Variants in RASSF3 observed in about 807,000 individuals in gnomAD.
RASSF3 encodes the protein Ras association domain family member 3, also known as ras association domain-containing protein 3.
Under a neutral mutation model 19.9 loss-of-function variants are expected in RASSF3, and 19 were observed. The observed-to-expected ratio is 0.96, with a 90% CI of 0.67 to 1.40. The LOEUF (loss-of-function observed/expected upper bound fraction) is 1.40, where lower values mean the gene tolerates loss of function less well. Ranked by LOEUF, RASSF3 falls within the 40% of genes most tolerant of loss-of-function variation. RASSF3 has a pLI of 0.00. For missense variants in RASSF3, 306 were observed against 289.8 expected, an observed-to-expected ratio of 1.06 and a Z score of -0.41; for synonymous variants, 110 against 104.2, an observed-to-expected ratio of 1.06 and a Z score of -0.34.
intron 1 of RASSF3, among the ~76,000 whole-genome samples, chr12:64,642,240 G>C (rs1045813403): frequency 1.3e-5 from 2 of 151,882 alleles, no homozygotes; most frequent in South Asian, 2.1e-4. Context: ...AAAAGTCAAG[G>C]ATATATGAAA....
At chr12:64,675,055 C>T (rs1008160) in intron 1 of RASSF3, among the ~76,000 whole-genome samples, 13,258 of 116,244 alleles carry the variant, frequency 0.11, 1,300 homozygotes, top group East Asian at 0.28. Flanking sequence ...GCCCCCCCCC[C>T]CCCCGCCACC....
chr12:64,630,949 TG>T (rs1871149836), intron 1 of RASSF3, among the ~76,000 whole-genome samples: 1 of 152,220 alleles, frequency 6.6e-6, no homozygotes, highest in Non-Finnish European at 1.5e-5. Flanking sequence ...TGAGTAAATC[TG>T]GGCATGTGTG....
intron 1 of RASSF3, among the ~76,000 whole-genome samples, chr12:64,508,194 G>A (rs1168043557): frequency 2.0e-5 from 3 of 152,110 alleles, no homozygotes; most frequent in Non-Finnish European, 4.4e-5. Flanking sequence ...TGATGTGCTA[G>A]ATTATCCAGT....
At chr12:64,533,083 A>C (rs1267583972), upstream of RASSF3, among the ~76,000 whole-genome samples, 1 of 152,188 alleles carries the variant, frequency 6.6e-6, no homozygotes, top group East Asian at 1.9e-4. Context: ...GGTCCCTGTG[A>C]GCAGAGCTGC....
chr12:64,535,564 C>A (rs2136112038), intron 1 of RASSF3, among the ~76,000 whole-genome samples: 1 of 152,246 alleles, frequency 6.6e-6, no homozygotes. Flanking sequence ...CAGGGTCCCT[C>A]CATGTTGCCC....
chr12:64,572,837 A>T (rs1869541507), intron 2 of RASSF3, among the ~76,000 whole-genome samples: 1 of 152,150 alleles, frequency 6.6e-6, no homozygotes, highest in African/African-American at 2.4e-5. Context: ...TCAATTCCAA[A>T]CCATTAATTG....
In RASSF3 at chr12:64,610,519, T is replaced by G. The variant is rs1870305941; in HGVS notation, c.-114T>G. ...TGATTGAGCGGCGGCCGCAGCTGCA[T>G]AAGGACTGCCCGGGGCTGCGCGCCG... On this transcript the variant is annotated 5_prime_UTR_variant, in exon 1 of 5. Coordinates refer to ENST00000542104, the MANE Select transcript of RASSF3 (RefSeq NM_178169.4). 3 of 367,828 alleles carry G rather than the reference T, an allele frequency of 8.2e-6. No homozygotes were observed. The highest frequency in any genetic ancestry group is 1.4e-5 in the Non-Finnish European group (3 of 218,596). The allele number at this position is 367,828 out of a possible 1,614,324, so 22.8% of individuals were successfully genotyped here. A position where few individuals can be genotyped will look rare whatever the true frequency, so the allele number is the denominator to read the frequency against.
intron 1 of RASSF3, among the ~76,000 whole-genome samples, chr12:64,611,092 C>T (rs749195082): frequency 3.9e-5 from 6 of 152,212 alleles, no homozygotes; most frequent in Non-Finnish European, 5.9e-5. Context: ...CTTCGCGTCC[C>T]CGCTGGGTCG....
intron 1 of RASSF3, among the ~76,000 whole-genome samples, chr12:64,641,262 G>A (rs941085629): frequency 1.3e-5 from 2 of 151,696 alleles, no homozygotes; most frequent in Non-Finnish European, 2.9e-5. Context: ...TGGGCGTGGT[G>A]GTGTGTGCCT....
At chr12:64,652,336 C>T (rs1871987458) in intron 1 of RASSF3, among the ~76,000 whole-genome samples, 1 of 152,114 alleles carries the variant, frequency 6.6e-6, no homozygotes, top group Non-Finnish European at 1.5e-5. Context: ...GTGCTTTCTT[C>T]ATGGCCATCG....
At chr12:64,661,245 G>T (rs938286691) in intron 1 of RASSF3, among the ~76,000 whole-genome samples, 3 of 152,176 alleles carry the variant, frequency 2.0e-5, no homozygotes, top group Non-Finnish European at 4.4e-5. Flanking sequence ...GGTGGCTGAT[G>T]CCTGTAATCC....
chr12:64,596,414 T>C (rs1008838980), intron 2 of RASSF3, among the ~76,000 whole-genome samples: 3 of 152,164 alleles, frequency 2.0e-5, no homozygotes, highest in Non-Finnish European at 2.9e-5. Context: ...ATTGCAAAAT[T>C]TGTGAAGAAA....
intron 1 of RASSF3, among the ~76,000 whole-genome samples, chr12:64,611,092 C>G (rs749195082): frequency 6.6e-6 from 1 of 152,212 alleles, no homozygotes; most frequent in Non-Finnish European, 1.5e-5. Context: ...CTTCGCGTCC[C>G]CGCTGGGTCG....
chr12:64,586,184 C>T (rs1041408263), intron 2 of RASSF3, among the ~76,000 whole-genome samples: 2 of 151,978 alleles, frequency 1.3e-5, no homozygotes, highest in African/African-American at 4.8e-5. Flanking sequence ...ATTAGCTGGG[C>T]ATGGTGGCGG....
chr12:64,555,844 A>T (rs1869248114), intron 2 of RASSF3, among the ~76,000 whole-genome samples: 1 of 152,040 alleles, frequency 6.6e-6, no homozygotes, highest in African/African-American at 2.4e-5. Context: ...CACTTGAAGC[A>T]GGAGTTTGAG....
At chr12:64,641,414 A>ACACACACACACACATGCGCG in intron 1 of RASSF3, among the ~76,000 whole-genome samples, 1 of 142,100 alleles carries the variant, frequency 7.0e-6, no homozygotes, top group African/African-American at 2.8e-5. Context: ...ACACACACAC[A>ACACACACACACACATGCGCG]CGCGCGCGCG....
intron 1 of RASSF3, among the ~76,000 whole-genome samples, chr12:64,647,497 G>A (rs1359485636): frequency 2.0e-5 from 3 of 149,652 alleles, no homozygotes; most frequent in African/African-American, 7.4e-5. Context: ...TGCAACCTCC[G>A]CCTCCCGATT....
At chr12:64,546,394 C>T (rs1190112680), downstream of RASSF3, among the ~76,000 whole-genome samples, 4 of 152,066 alleles carry the variant, frequency 2.6e-5, no homozygotes, top group Admixed American at 1.3e-4. Flanking sequence ...CCTCAGTCTC[C>T]CAAGTAACTG....
At chr12:64,529,732 T>C (rs1472353125), upstream of RASSF3, among the ~76,000 whole-genome samples, 2 of 152,166 alleles carry the variant, frequency 1.3e-5, no homozygotes, top group Non-Finnish European at 2.9e-5. Flanking sequence ...TTGAGATAGA[T>C]TTCTTATTAC....
Sources: gnomAD v4.1 joint callset for allele counts (sites outside exome capture counted in the v4.1 genomes callset) on GRCh38, gnomAD v4.1.1 for gene constraint, MANE v1.5 for transcripts, NCBI Gene and HGNC (gene_info 2026-07-23, HGNC 2026-07-21) for gene names.